Variants in HNF4G observed in about 807,000 individuals in gnomAD.
The protein encoded by HNF4G is hepatocyte nuclear factor 4-gamma.
Under a neutral mutation model 50.9 loss-of-function variants are expected in HNF4G, and 21 were observed. The ratio of observed to expected loss-of-function variants is 0.41; its 90% CI spans 0.29 to 0.59. The LOEUF (loss-of-function observed/expected upper bound fraction) is 0.59. HNF4G is among the 20% of genes least tolerant of loss of function. The pLI is 0.26. For synonymous variants in HNF4G, 198 were observed against 185.6 expected (o/e 1.07, Z -0.54); for missense variants, 527 against 559.4 (o/e 0.94, Z 0.58).
intron 1 of HNF4G, among the ~76,000 whole-genome samples, chr8:75,478,519 T>A (rs1248363243): frequency 1.3e-5 from 2 of 152,120 alleles, no homozygotes; most frequent in African/African-American, 4.8e-5. Flanking sequence ...GAGTCCACCC[T>A]GAAAACTAAA....
upstream of HNF4G, among the ~76,000 whole-genome samples, chr8:75,537,136 T>A (rs962882998): frequency 5.9e-5 from 9 of 152,196 alleles, no homozygotes; most frequent in Admixed American, 2.0e-4. Flanking sequence ...TTTGGATTTG[T>A]TACCTAGTGT....
At chr8:75,449,250 A>T (rs569515187) in intron 1 of HNF4G, among the ~76,000 whole-genome samples, 1 of 152,268 alleles carries the variant, frequency 6.6e-6, no homozygotes, top group South Asian at 2.1e-4. Flanking sequence ...GATTATAAAT[A>T]CTGTAGAATC....
At chr8:75,542,467 C>T (rs994508028) in intron 1 of HNF4G, among the ~76,000 whole-genome samples, 1 of 143,738 alleles carries the variant, frequency 7.0e-6, no homozygotes, top group Non-Finnish European at 1.5e-5. Flanking sequence ...TAGGGAGGAA[C>T]TTTCTTTCCA....
rs751535834 is a variant in HNF4G, at chr8:75,540,041, T to C, written c.79T>C (p.Leu27=). The change falls in exon 1 of 10, where the codon TTG becomes CTG. Residue 27 remains leucine, a synonymous_variant. Coordinates refer to ENST00000396423, the MANE Select transcript of HNF4G (RefSeq NM_004133.5). The part of the protein sequence containing the change: ...SEVLDPTYTT[L]EFETMQILYN... ...AGTTTTGGACCCAACTTACACAACT[T>C]TGGAGTTTGAAACTATGCAGATTCT... 6 of 1,608,532 alleles carry C rather than the reference T, an allele frequency of 3.7e-6. No homozygotes were observed. In the Admixed American group the frequency reaches 6.7e-5, roughly 18 times the overall value.
chr8:75,514,606 C>G (rs1274242223), intron 2 of HNF4G, among the ~76,000 whole-genome samples: 1 of 151,936 alleles, frequency 6.6e-6, no homozygotes, highest in Admixed American at 6.6e-5. Context: ...CTGCTTTGGC[C>G]TCTCAAAGTG....
chr8:75,478,147 A>T (rs1812284714), intron 1 of HNF4G, among the ~76,000 whole-genome samples: 1 of 151,978 alleles, frequency 6.6e-6, no homozygotes, highest in Non-Finnish European at 1.5e-5. Flanking sequence ...CCCCGTATCT[A>T]CAAAAAATTG....
chr8:75,557,183 A>G (rs1807152421), intron 6 of HNF4G, among the ~76,000 whole-genome samples: 1 of 152,240 alleles, frequency 6.6e-6, no homozygotes, highest in Non-Finnish European at 1.5e-5. Context: ...CTAGTTCTAA[A>G]TTGATTTACC....
intron 3 of HNF4G, among the ~76,000 whole-genome samples, chr8:75,550,284 A>G (rs867334783): frequency 6.6e-6 from 1 of 151,794 alleles, no homozygotes; most frequent in Non-Finnish European, 1.5e-5. Flanking sequence ...TTCAACTTTG[A>G]TATCTATTTT....
At chr8:75,467,572 A>G (rs998262550) in intron 1 of HNF4G, among the ~76,000 whole-genome samples, 7 of 152,070 alleles carry the variant, frequency 4.6e-5, no homozygotes, top group African/African-American at 1.2e-4. Flanking sequence ...AGAGAGGGGA[A>G]TCACTTGAAC....
chr8:75,429,359 T>A (rs1225743667), intron 1 of HNF4G, among the ~76,000 whole-genome samples: 2 of 152,042 alleles, frequency 1.3e-5, no homozygotes, highest in Non-Finnish European at 2.9e-5. Flanking sequence ...TTTTTCTCTC[T>A]CTTTCTCTCT....
intron 2 of HNF4G, among the ~76,000 whole-genome samples, chr8:75,497,995 A>T (rs1288607278): frequency 1.3e-5 from 2 of 152,088 alleles, no homozygotes. Context: ...CCACAGGCAA[A>T]TGCTAGGACA....
chr8:75,517,911 T>C (rs1805936290), intron 2 of HNF4G, among the ~76,000 whole-genome samples: 1 of 152,020 alleles, frequency 6.6e-6, no homozygotes, highest in African/African-American at 2.4e-5. Context: ...CCAGGCACCA[T>C]ACCTCTGCCT....
At chr8:75,510,504 T>A (rs980066969) in intron 2 of HNF4G, among the ~76,000 whole-genome samples, 10 of 152,230 alleles carry the variant, frequency 6.6e-5, no homozygotes, top group Non-Finnish European at 1.5e-4. Context: ...GTTCCCTTCA[T>A]GGTAGGTGCC....
chr8:75,530,781 AT>A (rs1806305966), intron 2 of HNF4G, among the ~76,000 whole-genome samples: 1 of 142,780 alleles, frequency 7.0e-6, no homozygotes, highest in African/African-American at 2.7e-5. Context: ...AGTGGCAGGC[AT>A]TGTTCAATGT....
At chr8:75,500,245 AAACGAAC>A (rs1280748782) in intron 2 of HNF4G, among the ~76,000 whole-genome samples, 2 of 152,180 alleles carry the variant, frequency 1.3e-5, no homozygotes, top group Non-Finnish European at 2.9e-5. Flanking sequence ...GACGATATAT[AAACGAAC>A]AATAAGCACA....
At chr8:75,434,154 C>A (rs1389255720) in intron 1 of HNF4G, among the ~76,000 whole-genome samples, 2 of 151,682 alleles carry the variant, frequency 1.3e-5, no homozygotes, top group Non-Finnish European at 2.9e-5. Flanking sequence ...TAGGCGCCTG[C>A]CACCCCACCC....
At position 75,558,583 on chromosome 8, in the gene HNF4G, C is replaced by T. The variant is rs1409074297; in HGVS notation, c.799C>T (p.Leu267=). Residue 267 remains leucine, a synonymous_variant, in exon 7 of 10, where the codon CTA becomes TTA. Transcript: ENST00000396423. The part of the protein sequence containing the change: ...VEISRVANRV[L]DELVRPFQEI... The stretch of plus-strand genomic sequence containing the variant: ...GATTAGCCGTGTGGCCAATCGTGTT[C>T]TAGATGAGCTGGTTAGACCATTTCA... 4 of 1,613,656 alleles carry T rather than the reference C, an allele frequency of 2.5e-6. No homozygotes were observed. In the South Asian group the frequency reaches 3.3e-5, roughly 13 times the overall value.
intron 1 of HNF4G, among the ~76,000 whole-genome samples, chr8:75,478,418 C>A (rs988610798): frequency 2.0e-5 from 3 of 152,174 alleles, no homozygotes; most frequent in African/African-American, 7.2e-5. Context: ...TGTTGTTTTA[C>A]GGATTCTAAA....
At chr8:75,556,123 A>G (rs1563554007) in intron 6 of HNF4G, 54 bp downstream of exon 6, 3 of 955,674 alleles carry the variant, frequency 3.1e-6, no homozygotes, top group South Asian at 1.6e-5. Context: ...TATTCTTGCA[A>G]TATTATACAG....
Sources: allele counts gnomAD v4.1 joint callset (sites outside exome capture counted in the v4.1 genomes callset), GRCh38; gene constraint gnomAD v4.1.1; transcripts MANE v1.5; gene names NCBI Gene and HGNC (gene_info 2026-07-23, HGNC 2026-07-21).